Variants in UHMK1 observed in about 807,000 individuals in gnomAD.
UHMK1 encodes the protein serine/threonine-protein kinase Kist.
UHMK1 carries 18 observed loss-of-function variants against 44.0 expected under a neutral mutation model. That is an observed-to-expected ratio of 0.41 (90% CI 0.28 to 0.61). UHMK1 has a LOEUF of 0.61. Among genes scored for constraint, UHMK1 ranks in the 20% least tolerant of loss-of-function variants. The pLI is 0.31. For missense variants in UHMK1, 463 were observed against 522.5 expected, an observed-to-expected ratio of 0.89 and a Z score of 1.11; for synonymous variants, 231 against 198.5, an observed-to-expected ratio of 1.16 and a Z score of -1.38.
At position 162,498,168 on chromosome 1, in the gene UHMK1, C is replaced by T. The variant is rs971975793; in HGVS notation, c.168C>T (p.Phe56=). Residue 56 remains phenylalanine (F), a synonymous_variant, in exon 1 of 8, where the codon TTC becomes TTT. Coordinates refer to ENST00000489294, the MANE Select transcript of UHMK1 (RefSeq NM_175866.5). Reference sequence around the variant, plus strand: ...CGCCCCCCGGCGCCCTCAAGCAGTTCTTGCCGCCAGGAACCACCGGGGCTG... The same window carrying T: ...CGCCCCCCGGCGCCCTCAAGCAGTTTTTGCCGCCAGGAACCACCGGGGCTG... The part of the protein sequence containing the change: ...PGSPPGALKQ[F]LPPGTTGAAA... 1.2e-5 allele frequency: 20 copies of T among 1,613,162 alleles called. No individual in the cohort carries two copies. The highest frequency in any genetic ancestry group is 1.5e-5 in the Non-Finnish European group (18 of 1,179,638).
chr1:162,514,114 G>A (rs183848276), intron 6 of UHMK1, among the ~76,000 whole-genome samples: 30 of 152,050 alleles, frequency 2.0e-4, no homozygotes, highest in South Asian at 4.2e-4. Flanking sequence ...TTTGTGTAGC[G>A]GTTAAGAGTG....
intron 4 of UHMK1, among the ~76,000 whole-genome samples, chr1:162,510,090 CT>C (rs869125982): frequency 6.7e-6 from 1 of 148,848 alleles, no homozygotes; most frequent in African/African-American, 2.5e-5. Context: ...TCTCGGTCTT[CT>C]TTTTTTAATG....
chr1:162,520,138 C>T (rs554431707), intron 7 of UHMK1, among the ~76,000 whole-genome samples: 1 of 152,332 alleles, frequency 6.6e-6, no homozygotes, highest in Admixed American at 6.5e-5. Flanking sequence ...AGAGATCCAA[C>T]CCGATTCAGT....
In UHMK1 at chr1:162,512,841, T is replaced by G; in HGVS notation, c.1024+18T>G. ...ATATGAAGGTTAGTGTTTTCTAAATTATATTTTAATGTGTCTTTCTTAAAT... is the reference window on the plus strand; with the variant it reads ...ATATGAAGGTTAGTGTTTTCTAAATGATATTTTAATGTGTCTTTCTTAAAT... On this transcript the variant is annotated intron_variant, in intron 6 of 7. Coordinates refer to ENST00000489294, the MANE Select transcript of UHMK1 (RefSeq NM_175866.5). The G allele has an allele frequency of 6.3e-7, 1 of 1,599,334 alleles. No individual in the cohort carries two copies. The highest frequency in any genetic ancestry group is 2.2e-5 in the East Asian group (1 of 44,778).
rs926021882 is a variant in UHMK1 at position 162,527,756 on chromosome 1, G to A, written c.*5206G>A. Reference sequence around the variant, plus strand: ...GGCCCTTTTGAAGAAAGCCATGTATGTTTTGTTACCTAGGTTCATAGTATT... The same window carrying A: ...GGCCCTTTTGAAGAAAGCCATGTATATTTTGTTACCTAGGTTCATAGTATT... On this transcript the variant is annotated 3_prime_UTR_variant, in exon 8 of 8. Coordinates refer to ENST00000489294, the MANE Select transcript of UHMK1 (RefSeq NM_175866.5). 4.6e-5 allele frequency: 7 copies of A among 151,972 alleles called. No individual in the cohort carries two copies. Among genetic ancestry groups the A allele is most frequent in the African/African-American group, 1.4e-4 (6 of 41,408 alleles). The allele number at this position is 151,972 out of a possible 1,614,324, so 9.4% of individuals were successfully genotyped here. A position where few individuals can be genotyped will look rare whatever the true frequency, so the allele number is the denominator to read the frequency against.
chr1:162,499,422 C>T (rs1178962180), intron 1 of UHMK1, among the ~76,000 whole-genome samples: 1 of 152,190 alleles, frequency 6.6e-6, no homozygotes, highest in Non-Finnish European at 1.5e-5. Flanking sequence ...CTGCCTCGGT[C>T]TCTCAGAATG....
At chr1:162,508,259 A>T (rs770373036) in intron 4 of UHMK1, among the ~76,000 whole-genome samples, 8 of 151,750 alleles carry the variant, frequency 5.3e-5, no homozygotes, top group Non-Finnish European at 8.8e-5. Flanking sequence ...TTACAGGCGG[A>T]TGCTGCCAGG....
intron 1 of UHMK1, among the ~76,000 whole-genome samples, chr1:162,499,152 G>C (rs113523034): frequency 1.3e-5 from 2 of 151,948 alleles, no homozygotes; most frequent in Non-Finnish European, 2.9e-5. Flanking sequence ...TTAGTATTTA[G>C]ATTATAGAGA....
intron 1 of UHMK1, among the ~76,000 whole-genome samples, chr1:162,499,463 G>A (rs1651189148): frequency 6.6e-6 from 1 of 152,190 alleles, no homozygotes; most frequent in South Asian, 2.1e-4. Flanking sequence ...CACCGTGGCA[G>A]ACCTAGACTG....
At chr1:162,503,059 GT>G (rs1651333093) in intron 3 of UHMK1, among the ~76,000 whole-genome samples, 3 of 152,140 alleles carry the variant, frequency 2.0e-5, no homozygotes, top group Non-Finnish European at 2.9e-5. Context: ...CAAATAAGAT[GT>G]TTTAATACTG....
intron 6 of UHMK1, among the ~76,000 whole-genome samples, 196 bp from the exon 7 acceptor site, chr1:162,517,906 G>C (rs1438612257): frequency 1.3e-5 from 2 of 152,000 alleles, no homozygotes; most frequent in Non-Finnish European, 2.9e-5. Context: ...GATACTATGT[G>C]TTGCCTTCAA....
intron 7 of UHMK1, 118 bp downstream of exon 7, chr1:162,518,308 A>G: frequency 1.6e-6 from 1 of 634,688 alleles, no homozygotes; most frequent in African/African-American, 1.8e-5. Context: ...TGAGTTTTGC[A>G]TTTTAATGAT....
chr1:162,506,418 GCA>G (rs1439428368), intron 4 of UHMK1, among the ~76,000 whole-genome samples: 1 of 151,922 alleles, frequency 6.6e-6, no homozygotes, highest in Non-Finnish European at 1.5e-5. Flanking sequence ...GTTGAATAAA[GCA>G]CAGACACTAA....
chr1:162,511,173 T>C (rs900755434), intron 4 of UHMK1, among the ~76,000 whole-genome samples: 3 of 141,656 alleles, frequency 2.1e-5, no homozygotes, highest in Non-Finnish European at 4.5e-5. Context: ...GAGCTCTTTT[T>C]TTCTTTTTTC....
At chr1:162,498,501 T>C (rs1651149130) in intron 1 of UHMK1, among the ~76,000 whole-genome samples, 1 of 152,248 alleles carries the variant, frequency 6.6e-6, no homozygotes, top group Admixed American at 6.5e-5. Flanking sequence ...ATTGTCTTGC[T>C]TCGAGTCTCA....
chr1:162,497,882 G>T lies in UHMK1; in HGVS notation c.-119G>T. 1 of 1,402,744 alleles carries T rather than the reference G, an allele frequency of 7.1e-7. No homozygotes were observed. Among genetic ancestry groups the T allele is most frequent in the Non-Finnish European group, 9.2e-7 (1 of 1,084,144 alleles). 86.9% of individuals were successfully genotyped at this position (1,402,744 alleles called of 1,614,324 possible). ...TTGAAGTCCCGGGAGTCGGTGAGGC[G>T]GCTGCAGGTCCCTCCCTGCGGAGCC... On this transcript the variant is annotated 5_prime_UTR_variant, in exon 1 of 8. Coordinates refer to ENST00000489294, the MANE Select transcript of UHMK1 (RefSeq NM_175866.5).
Position 162,525,333 on chromosome 1 carries a change from G to A in UHMK1, c.*2783G>A, listed in dbSNP as rs1309261844. Reference sequence around the variant, plus strand: ...AAAGGGTAAAGAGGTGAGGGTTCATGTCACTTAACCCCTACCCTTTTGGGC... The same window carrying A: ...AAAGGGTAAAGAGGTGAGGGTTCATATCACTTAACCCCTACCCTTTTGGGC... On this transcript the variant is annotated 3_prime_UTR_variant, in exon 8 of 8. Coordinates refer to ENST00000489294, the MANE Select transcript of UHMK1 (RefSeq NM_175866.5). The A allele has an allele frequency of 2.0e-5, 3 of 152,180 alleles. No individual in the cohort carries two copies. Among genetic ancestry groups the A allele is most frequent in the African/African-American group, 7.2e-5 (3 of 41,454 alleles). The allele number at this position is 152,180 out of a possible 1,614,324, so 9.4% of individuals were successfully genotyped here. A position where few individuals can be genotyped will look rare whatever the true frequency, so the allele number is the denominator to read the frequency against.
At chr1:162,517,873 T>A (rs1651894174) in intron 6 of UHMK1, among the ~76,000 whole-genome samples, 1 of 143,710 alleles carries the variant, frequency 7.0e-6, no homozygotes, top group Non-Finnish European at 1.5e-5. Flanking sequence ...AGACTCTGTC[T>A]AAAAAAAAAA....
At chr1:162,512,915 C>G in intron 6 of UHMK1, 92 bp downstream of exon 6, 1 of 1,218,804 alleles carries the variant, frequency 8.2e-7, no homozygotes, top group Non-Finnish European at 1.2e-6. Flanking sequence ...CTCAATTTAT[C>G]TAATGAGAAT....
Sources: gnomAD v4.1 joint callset for allele counts (sites outside exome capture counted in the v4.1 genomes callset) on GRCh38, gnomAD v4.1.1 for gene constraint, MANE v1.5 for transcripts, NCBI Gene and HGNC (gene_info 2026-07-23, HGNC 2026-07-21) for gene names.